The following COPS6 variants were observed in gnomAD, a reference collection of about 807,000 sequenced individuals.
The protein encoded by COPS6 is COP9 signalosome subunit 6, also known as COP9 signalosome complex subunit 6.
COPS6 carries 9 observed loss-of-function variants against 41.0 expected under a neutral mutation model. That is an observed-to-expected ratio of 0.22 (90% CI 0.13 to 0.38). The LOEUF is 0.38. Ranked by LOEUF, COPS6 falls within the 10% of genes least tolerant of loss-of-function variation. The probability of loss-of-function intolerance (pLI) is 1.00; values close to 1 mark genes in which losing one functional copy is unlikely to be tolerated. For missense variants in COPS6, 302 were observed against 436.7 expected (o/e 0.69, Z 2.75); for synonymous variants, 179 against 162.9 (o/e 1.10, Z -0.75).
chr7:100,089,100 C>G, intron 1 of COPS6, 34 bp downstream of exon 1: 1 of 1,428,504 alleles, frequency 7.0e-7, no homozygotes, highest in Non-Finnish European at 9.2e-7. Context: ...TTCCGGAGAC[C>G]TCCTTCAGGG....
chr7:100,090,869 T>C, intron 5 of COPS6, 33 bp from the exon 6 acceptor site: 1 of 1,612,890 alleles, frequency 6.2e-7, no homozygotes, highest in Non-Finnish European at 8.5e-7. Context: ...AATGTTGGCA[T>C]ATAGTGTTCA....
rs537116137 is a variant in COPS6 at position 100,089,023 on chromosome 7, G to T, written c.33G>T (p.Thr11=). The change falls in exon 1 of 10, where the codon ACG becomes ACT. Residue 11 remains threonine (T), a synonymous_variant. Coordinates refer to ENST00000303904, the MANE Select transcript of COPS6 (RefSeq NM_006833.5). ...CGGCGGCGGCGGCGGCTGCAGCTAC[G>T]AACGGGACCGGAGGAAGCAGCGGGA... MAAAAAAAAA[T]NGTGGSSGME... 1.5e-6 allele frequency: 2 copies of T among 1,327,144 alleles called. No individual in the cohort carries two copies. The highest frequency in any genetic ancestry group is 1.9e-6 in the Non-Finnish European group (2 of 1,035,864). The allele number at this position is 1,327,144 out of a possible 1,614,324, so 82.2% of individuals were successfully genotyped here.
chr7:100,089,209 C>A, intron 1 of COPS6, 81 bp from the exon 2 acceptor site: 13 of 1,538,554 alleles, frequency 8.4e-6, no homozygotes, highest in Non-Finnish European at 1.1e-5. Context: ...GTGGCCCGGG[C>A]TCCGCCGTCC....
Position 100,091,384 on chromosome 7 carries a change from C to A in COPS6, c.743-36C>A, listed in dbSNP as rs775700239. 2 of 1,612,492 alleles carry A rather than the reference C, an allele frequency of 1.2e-6. No individual in the cohort carries two copies. Among genetic ancestry groups the A allele is most frequent in the Non-Finnish European group, 1.7e-6 (2 of 1,178,478 alleles). On this transcript the variant is annotated intron_variant, in intron 8 of 9. Coordinates refer to ENST00000303904, the MANE Select transcript of COPS6 (RefSeq NM_006833.5). The surrounding 1 kb of genome is among the most constrained non-coding windows in gnomAD (Gnocchi z 4.1). ...CCTCTCCCTCCTGGGGAAGTGACAG[C>A]ATCCAAACTAATGTAGTCTCTTTTT...
Position 100,091,878 on chromosome 7 carries a change from TTAA to T in COPS6, c.*93_*95del. 5 of 1,554,986 alleles carry T rather than the reference TTAA, an allele frequency of 3.2e-6. No individual in the cohort carries two copies. The highest frequency in any genetic ancestry group is 1.2e-5 in the South Asian group (1 of 86,490). ...ACTTCCTTGAGAGAAACCGCTGTCA[TTAA>T]TAAAAGGGGAGCAGCCCCTGAGCAC... On this transcript the variant is annotated 3_prime_UTR_variant, in exon 10 of 10. Coordinates refer to ENST00000303904, the MANE Select transcript of COPS6 (RefSeq NM_006833.5). The surrounding 1 kb of genome is among the most constrained non-coding windows in gnomAD (Gnocchi z 4.1).
At position 100,091,562 on chromosome 7, in the gene COPS6, C is replaced by T. The variant is rs1795320057; in HGVS notation, c.843+42C>T. On this transcript the variant is annotated intron_variant, in intron 9 of 9. Coordinates refer to ENST00000303904, the MANE Select transcript of COPS6 (RefSeq NM_006833.5). The surrounding 1 kb of genome is among the most constrained non-coding windows in gnomAD (Gnocchi z 4.1). ...GATGGGGAGGCGGGGCTTATGCTGT[C>T]ACTTTCACGTGCAGGACTGGGGACT... 1.2e-6 allele frequency: 2 copies of T among 1,613,600 alleles called. No individual in the cohort carries two copies. The highest frequency in any genetic ancestry group is 1.7e-5 in the Admixed American group (1 of 59,988).
chr7:100,091,586 C>T lies in COPS6; in HGVS notation c.844-63C>T. The T allele has an allele frequency of 6.2e-7, 1 of 1,613,556 alleles. No homozygotes were observed. The highest frequency in any genetic ancestry group is 8.5e-7 in the Non-Finnish European group (1 of 1,179,510). ...TCACTTTCACGTGCAGGACTGGGGACTGTTGTTCCCCGGGCATGCCACGAG... is the reference window on the plus strand; with the variant it reads ...TCACTTTCACGTGCAGGACTGGGGATTGTTGTTCCCCGGGCATGCCACGAG... On this transcript the variant is annotated intron_variant, in intron 9 of 9. Coordinates refer to ENST00000303904, the MANE Select transcript of COPS6 (RefSeq NM_006833.5). This position sits in a 1 kb window ranked among gnomAD's most constrained non-coding sequence, Gnocchi z 4.1.
rs771084439 is a variant in COPS6, at chr7:100,091,235, C to T, written c.650-3C>T. 2 of 1,614,118 alleles carry T rather than the reference C, an allele frequency of 1.2e-6. No individual in the cohort carries two copies. On this transcript the variant is annotated splice_polypyrimidine_tract_variant and splice_region_variant and intron_variant, in intron 7 of 9. Coordinates refer to ENST00000303904, the MANE Select transcript of COPS6 (RefSeq NM_006833.5). The surrounding 1 kb of genome is among the most constrained non-coding windows in gnomAD (Gnocchi z 4.1). Reference sequence around the variant, plus strand: ...ACCTCCTCCTGTCCTCATCCCCTTGCAGTGGCTGAACACCTGATAGCACAG... The same window carrying T: ...ACCTCCTCCTGTCCTCATCCCCTTGTAGTGGCTGAACACCTGATAGCACAG...
rs780113727 is a variant in COPS6 at position 100,089,351 on chromosome 7, T to C, written c.138T>C (p.Leu46=). Residue 46 remains leucine (L), a synonymous_variant, in exon 2 of 10, where the codon CTT becomes CTC. Coordinates refer to ENST00000303904, the MANE Select transcript of COPS6 (RefSeq NM_006833.5). ...TGSVSVALHP[L]VILNISDHWI... is the part of the protein sequence containing the mutation. ...GTGTTTCCGTCGCTCTCCATCCCCT[T>C]GTCATTCTCAACATCTCAGACCACT... is the stretch of plus-strand genomic sequence containing the variant. The C allele has an allele frequency of 3.0e-5, 49 of 1,613,980 alleles. No homozygotes were observed. Among genetic ancestry groups the C allele is most frequent in the Non-Finnish European group, 4.1e-5 (48 of 1,180,030 alleles).
intron 3 of COPS6, 160 bp from the exon 4 acceptor site, chr7:100,090,239 G>A (rs1445057096): frequency 3.8e-5 from 23 of 612,664 alleles, no homozygotes; most frequent in South Asian, 2.0e-4. Context: ...TCCCAGCTAC[G>A]CGGGATGCTG....
At position 100,091,177 on chromosome 7, in the gene COPS6, TG is replaced by T; in HGVS notation, c.649+29del. 6.2e-7 allele frequency: 1 copy of T among 1,613,834 alleles called. No individual in the cohort carries two copies. The highest frequency in any genetic ancestry group is 1.3e-5 in the African/African-American group (1 of 75,050). ...GGTAATGGAGGGGATTCCTTGGAAG[TG>T]GGGTTGGAAGGTGTGGCCACATCCC... On this transcript the variant is annotated intron_variant, in intron 7 of 9. Coordinates refer to ENST00000303904, the MANE Select transcript of COPS6 (RefSeq NM_006833.5). The surrounding 1 kb of genome is among the most constrained non-coding windows in gnomAD (Gnocchi z 4.1).
At chr7:100,090,026 G>A (rs575078242) in intron 3 of COPS6, 2 of 446,698 alleles carry the variant, frequency 4.5e-6, no homozygotes, top group East Asian at 8.6e-5. Flanking sequence ...TACACCAGGA[G>A]CTTCACATTG....
chr7:100,090,979 C>T (rs759405587), intron 6 of COPS6, 30 bp downstream of exon 6: 8 of 1,613,950 alleles, frequency 5.0e-6, no homozygotes, highest in East Asian at 2.2e-5. Context: ...CCCTCAGATC[C>T]TGCTCTTGGC....
At position 100,091,822 on chromosome 7, in the gene COPS6, C is replaced by G; in HGVS notation, c.*33C>G. On this transcript the variant is annotated 3_prime_UTR_variant, in exon 10 of 10. Coordinates refer to ENST00000303904, the MANE Select transcript of COPS6 (RefSeq NM_006833.5). This position sits in a 1 kb window ranked among gnomAD's most constrained non-coding sequence, Gnocchi z 4.1. The stretch of plus-strand genomic sequence containing the variant: ...ACTTGAAGGGCTGATGGACAGGGGT[C>G]AGGCAACTATCCCAAAGGGGAGGGC... The G allele has an allele frequency of 6.2e-7, 1 of 1,613,668 alleles. No individual in the cohort carries two copies. Among genetic ancestry groups the G allele is most frequent in the Non-Finnish European group, 8.5e-7 (1 of 1,179,616 alleles).
At position 100,091,308 on chromosome 7, in the gene COPS6, G is replaced by A. The variant is rs1795312872; in HGVS notation, c.720G>A (p.Glu240=). The change falls in exon 8 of 10, where the codon GAG becomes GAA. Residue 240 remains glutamate, a synonymous_variant. Transcript: ENST00000303904. The surrounding 1 kb of genome is among the most constrained non-coding windows in gnomAD (Gnocchi z 4.1). ...ACAGCCGCGTCAAGCTCATCTTGGAGTACGTCAAGGCCTCTGAAGCGGGTA... is the reference window on the plus strand; with the variant it reads ...ACAGCCGCGTCAAGCTCATCTTGGAATACGTCAAGGCCTCTGAAGCGGGTA... ...MLHSRVKLIL[E]YVKASEAGEV... 1 of 1,614,194 alleles carries A rather than the reference G, an allele frequency of 6.2e-7. No homozygotes were observed. Among genetic ancestry groups the A allele is most frequent in the Non-Finnish European group, 8.5e-7 (1 of 1,180,030 alleles).
At chr7:100,090,151 C>T (rs980042660) in intron 3 of COPS6, 9 of 507,834 alleles carry the variant, frequency 1.8e-5, no homozygotes, top group Admixed American at 9.9e-5. Context: ...AGTTCAAGAC[C>T]AGCCTGGCAA....
At chr7:100,089,445 T>A in intron 2 of COPS6, 30 bp downstream of exon 2, 1 of 1,613,306 alleles carries the variant, frequency 6.2e-7, no homozygotes, top group Non-Finnish European at 8.5e-7. Flanking sequence ...TCCAGTCTCT[T>A]CTCCTTGCTC....
At chr7:100,090,675 A>G in intron 5 of COPS6, 21 bp downstream of exon 5, 1 of 1,607,348 alleles carries the variant, frequency 6.2e-7, no homozygotes, top group Non-Finnish European at 8.5e-7. Context: ...CTCCATGCCT[A>G]CTCTGTCATG....
Position 100,091,852 on chromosome 7 carries a change from C to T in COPS6, c.*63C>T, listed in dbSNP as rs905479000. 15 of 1,602,842 alleles carry T rather than the reference C, an allele frequency of 9.4e-6. No homozygotes were observed. The highest frequency in any genetic ancestry group is 6.6e-5 in the South Asian group (6 of 90,538). ...AACTATCCCAAAGGGGAGGGCACTA[C>T]ACTTCCTTGAGAGAAACCGCTGTCA... On this transcript the variant is annotated 3_prime_UTR_variant, in exon 10 of 10. Transcript: ENST00000303904. This position sits in a 1 kb window ranked among gnomAD's most constrained non-coding sequence, Gnocchi z 4.1.
Sources: gnomAD v4.1 joint callset for allele counts on GRCh38, gnomAD v4.1.1 for gene constraint, Gnocchi (gnomAD v3.1) non-coding constraint, MANE v1.5 for transcripts, NCBI Gene and HGNC (gene_info 2026-07-23, HGNC 2026-07-21) for gene names.